PKHD1L1: variants seen among roughly 807,000 people sequenced by gnomAD.
PKHD1L1 encodes fibrocystin-L.
Under a neutral mutation model 462.9 loss-of-function variants are expected in PKHD1L1, and 434 were observed. That is an observed-to-expected ratio of 0.94 (90% confidence interval 0.87 to 1.02). The LOEUF is 1.02. PKHD1L1 is among the 50% of genes least tolerant of loss of function. PKHD1L1 has a pLI of 0.00. For synonymous variants in PKHD1L1, 1,781 were observed against 1,750.0 expected (o/e 1.02, Z -0.44); for missense variants, 5,202 against 5,096.1 (o/e 1.02, Z -0.63).
chr8:109,486,853 G>C, intron 59 of PKHD1L1, 32 bp downstream of exon 59: 1 of 1,583,580 alleles, frequency 6.3e-7, no homozygotes, highest in Non-Finnish European at 8.6e-7. Flanking sequence ...TTTTCTAAAT[G>C]AGCTATAACA....
In PKHD1L1 at chr8:109,424,940, A is replaced by G. The variant is rs946531419; in HGVS notation, c.2698-145A>G. The G allele has an allele frequency of 1.7e-5, 11 of 645,344 alleles. No homozygotes were observed. In the African/African-American group the frequency reaches 1.7e-4, roughly 10 times the overall value. 40.0% of individuals were successfully genotyped at this position (645,344 alleles called of 1,614,324 possible). ...ATATAGGTATGGCCTGTGTTGATTT[A>G]TGTGACACTCCTTAATGTTCTGAAG... On this transcript the variant is annotated intron_variant, in intron 23 of 77. Transcript: ENST00000378402.
chr8:109,402,068 C>A (rs1813300299), intron 14 of PKHD1L1, among the ~76,000 whole-genome samples: 1 of 152,092 alleles, frequency 6.6e-6, no homozygotes, highest in South Asian at 2.1e-4. Flanking sequence ...AAAGAGCATT[C>A]ATTTAGTGTT....
intron 11 of PKHD1L1, 133 bp from the exon 12 acceptor site, chr8:109,398,326 G>A (rs1348895931): frequency 3.4e-5 from 21 of 621,262 alleles, no homozygotes; most frequent in Non-Finnish European, 5.6e-5. Flanking sequence ...ATATGTAAAG[G>A]AAATAAAGAG....
intron 17 of PKHD1L1, 101 bp downstream of exon 17, chr8:109,406,579 C>T (rs918408856): frequency 7.8e-7 from 1 of 1,286,172 alleles, no homozygotes; most frequent in Middle Eastern, 2.7e-4. Flanking sequence ...CTTGGTTAAT[C>T]TTAGGAGAAG....
intron 68 of PKHD1L1, among the ~76,000 whole-genome samples, chr8:109,505,224 A>T (rs1197839530): frequency 1.3e-5 from 2 of 152,046 alleles, no homozygotes; most frequent in Non-Finnish European, 2.9e-5. Flanking sequence ...TCATTAATAG[A>T]TAAGAGATAT....
intron 48 of PKHD1L1, among the ~76,000 whole-genome samples, chr8:109,463,265 G>A (rs1038921764): frequency 5.9e-5 from 9 of 152,038 alleles, no homozygotes; most frequent in Admixed American, 3.3e-4. Context: ...TTCTTATCAT[G>A]TATTCAGCAG....
chr8:109,377,785 T>C (rs1394292810), intron 2 of PKHD1L1, among the ~76,000 whole-genome samples: 1 of 152,214 alleles, frequency 6.6e-6, no homozygotes, highest in African/African-American at 2.4e-5. Context: ...TTATAGGATT[T>C]AATTAATGGA....
At chr8:109,442,320 G>GT in intron 35 of PKHD1L1, 125 bp downstream of exon 35, 1 of 940,954 alleles carries the variant, frequency 1.1e-6, no homozygotes, top group Non-Finnish European at 1.5e-6. Context: ...TAAGGTATTT[G>GT]GCATTTTATT....
At chr8:109,483,897 T>C (rs896825311) in intron 57 of PKHD1L1, among the ~76,000 whole-genome samples, 38 of 151,816 alleles carry the variant, frequency 2.5e-4, no homozygotes, top group Non-Finnish European at 5.2e-4. Context: ...AATTCTCATC[T>C]CTACTGTGCT....
At chr8:109,378,981 A>T (rs1255620877) in intron 2 of PKHD1L1, among the ~76,000 whole-genome samples, 1 of 152,210 alleles carries the variant, frequency 6.6e-6, no homozygotes, top group African/African-American at 2.4e-5. Context: ...TGATTCGTCC[A>T]GGAGCTTCTC....
At chr8:109,381,989 C>T (rs1812144307) in intron 3 of PKHD1L1, among the ~76,000 whole-genome samples, 1 of 152,058 alleles carries the variant, frequency 6.6e-6, no homozygotes, top group Admixed American at 6.6e-5. Context: ...CTTTAAATTG[C>T]AACTTTCAAT....
rs1166000679 is a variant in PKHD1L1, at chr8:109,536,215, CTG to C, written c.*6129_*6130del. On this transcript the variant is annotated 3_prime_UTR_variant, in exon 78 of 78. Coordinates refer to ENST00000378402, the MANE Select transcript of PKHD1L1 (RefSeq NM_177531.6). ...TTCAAAGGTTTCACCGATTTTATTGCTGTGTTTCCAACACATTTCCACATATG... is the reference window on the plus strand; with the variant it reads ...TTCAAAGGTTTCACCGATTTTATTGCTGTTTCCAACACATTTCCACATATG... Among the ~76,000 whole-genome samples, 3 of 152,180 alleles carry C rather than the reference CTG, an allele frequency of 2.0e-5. No homozygotes were observed. Among genetic ancestry groups the C allele is most frequent in the African/African-American group, 7.2e-5 (3 of 41,434 alleles).
intron 50 of PKHD1L1, among the ~76,000 whole-genome samples, chr8:109,474,232 A>G: frequency 6.6e-6 from 1 of 152,156 alleles, no homozygotes; most frequent in Middle Eastern, 3.2e-3. Context: ...TCTTGCTTCT[A>G]GCTTCTTCCT....
intron 43 of PKHD1L1, among the ~76,000 whole-genome samples, chr8:109,453,102 A>G (rs530019084): frequency 6.6e-6 from 1 of 152,352 alleles, no homozygotes; most frequent in South Asian, 2.1e-4. Flanking sequence ...CAGCATCAGA[A>G]TAGATTGCAT....
Position 109,518,630 on chromosome 8 carries a change from C to T in PKHD1L1, c.12031+122C>T, listed in dbSNP as rs1486196089. On this transcript the variant is annotated intron_variant, in intron 73 of 77. Coordinates refer to ENST00000378402, the MANE Select transcript of PKHD1L1 (RefSeq NM_177531.6). The stretch of plus-strand genomic sequence containing the variant: ...TCCCATCAACCCCACATCCTGAACC[C>T]TCTAAGTGCCCAGAGACCCTTTTTC... 4 of 744,134 alleles carry T rather than the reference C, an allele frequency of 5.4e-6. No individual in the cohort carries two copies. In the Admixed American group the frequency reaches 1.2e-4, roughly 23 times the overall value. The allele number at this position is 744,134 out of a possible 1,614,324, so 46.1% of individuals were successfully genotyped here.
chr8:109,385,432 T>C (rs1586403384), intron 5 of PKHD1L1, 105 bp from the exon 6 acceptor site: 1 of 644,392 alleles, frequency 1.6e-6, no homozygotes, highest in East Asian at 2.9e-5. Flanking sequence ...GAGGTATAAG[T>C]GTCTGGGTCC....
intron 53 of PKHD1L1, 107 bp from the exon 54 acceptor site, chr8:109,479,444 C>A: frequency 1.3e-6 from 1 of 749,214 alleles, no homozygotes; most frequent in Non-Finnish European, 2.2e-6. Context: ...TTTTTTTCTT[C>A]TCTACCATGT....
rs1422582558 is a variant in PKHD1L1 at position 109,535,199 on chromosome 8, T to C, written c.*5109T>C. ...GCTATGGTAATGGGCTCTGTGCCTATGAGCAAAAAAAAAAAATTCCTTTTG... is the reference window on the plus strand; with the variant it reads ...GCTATGGTAATGGGCTCTGTGCCTACGAGCAAAAAAAAAAAATTCCTTTTG... On this transcript the variant is annotated 3_prime_UTR_variant, in exon 78 of 78. Transcript: ENST00000378402. Among the ~76,000 whole-genome samples the C allele has an allele frequency of 6.6e-6, 1 of 151,512 alleles. No homozygotes were observed. The highest frequency in any genetic ancestry group is 1.5e-5 in the Non-Finnish European group (1 of 67,874).
intron 53 of PKHD1L1, 123 bp from the exon 54 acceptor site, chr8:109,479,428 G>C: frequency 1.6e-6 from 1 of 625,610 alleles, no homozygotes; most frequent in Non-Finnish European, 2.7e-6. Context: ...AGGACAAAGC[G>C]TGCATTTTTT....
Sources: gnomAD v4.1 joint callset for allele counts (sites outside exome capture counted in the v4.1 genomes callset) on GRCh38, gnomAD v4.1.1 for gene constraint, MANE v1.5 for transcripts, NCBI Gene and HGNC (gene_info 2026-07-23, HGNC 2026-07-21) for gene names.